Variants in PEX5L observed in about 807,000 individuals in gnomAD.
The protein encoded by PEX5L is peroxisomal biogenesis factor 5 like.
A neutral mutation model predicts 84.0 loss-of-function variants in PEX5L; 30 were observed. The observed-to-expected ratio is 0.36, with a 90% CI of 0.27 to 0.48. The LOEUF (loss-of-function observed/expected upper bound fraction) is 0.48, where lower values mean the gene tolerates loss of function less well. PEX5L is among the 20% of genes least tolerant of loss of function. PEX5L has a pLI of 0.99. For missense variants in PEX5L, 533 were observed against 754.6 expected, an observed-to-expected ratio of 0.71 and a Z score of 3.44; for synonymous variants, 270 against 283.1, an observed-to-expected ratio of 0.95 and a Z score of 0.46.
intron 2 of PEX5L, among the ~76,000 whole-genome samples, chr3:179,944,634 T>C (rs1256207977): frequency 1.3e-5 from 2 of 152,238 alleles, no homozygotes; most frequent in Non-Finnish European, 2.9e-5. Context: ...TTAAATGACC[T>C]TATCACATGT....
rs1360074665 is a variant in PEX5L at position 179,796,005 on chromosome 3, TGTA to T, written c.*5820_*5822del. On this transcript the variant is annotated 3_prime_UTR_variant, in exon 15 of 15. Coordinates refer to ENST00000467460, the MANE Select transcript of PEX5L (RefSeq NM_016559.3). Reference sequence around the variant, plus strand: ...CTGTATTTCCCTTAACTACTGGTAATGTAGTCCATCATGAACACATTTCTCACA... The same window carrying T: ...CTGTATTTCCCTTAACTACTGGTAATGTCCATCATGAACACATTTCTCACA... 1 of 152,160 alleles carries T rather than the reference TGTA, an allele frequency of 6.6e-6. No homozygotes were observed. Among genetic ancestry groups the T allele is most frequent in the Non-Finnish European group, 1.5e-5 (1 of 68,022 alleles). The allele number at this position is 152,160 out of a possible 1,614,324, so 9.4% of individuals were successfully genotyped here.
At chr3:179,956,773 G>C (rs757158795) in intron 2 of PEX5L, among the ~76,000 whole-genome samples, 35 of 152,096 alleles carry the variant, frequency 2.3e-4, no homozygotes, top group Non-Finnish European at 3.4e-4. Flanking sequence ...CAACATGCAC[G>C]GTGCCATCTC....
chr3:179,829,688 G>A (rs146407395), intron 8 of PEX5L, among the ~76,000 whole-genome samples: 2 of 151,996 alleles, frequency 1.3e-5, no homozygotes, highest in East Asian at 3.9e-4. Context: ...TTTGATGCAG[G>A]CAAACGTCAA....
intron 4 of PEX5L, among the ~76,000 whole-genome samples, chr3:179,883,453 G>C (rs1304355571): frequency 6.6e-6 from 1 of 152,148 alleles, no homozygotes; most frequent in Non-Finnish European, 1.5e-5. Flanking sequence ...CGTGAATATT[G>C]TGCATAAAAT....
intron 8 of PEX5L, among the ~76,000 whole-genome samples, chr3:179,853,231 C>A (rs1742601823): frequency 1.3e-5 from 2 of 152,154 alleles, no homozygotes; most frequent in Non-Finnish European, 2.9e-5. Flanking sequence ...TACTAGCACC[C>A]AGCACAGTGC....
chr3:180,011,725 T>G (rs1213983739), intron 1 of PEX5L, among the ~76,000 whole-genome samples: 1 of 152,226 alleles, frequency 6.6e-6, no homozygotes, highest in Non-Finnish European at 1.5e-5. Flanking sequence ...GAGGTTCCAT[T>G]AGACAGTGAG....
intron 2 of PEX5L, among the ~76,000 whole-genome samples, chr3:179,927,328 A>C (rs1486829626): frequency 6.6e-6 from 1 of 152,196 alleles, no homozygotes; most frequent in Non-Finnish European, 1.5e-5. Flanking sequence ...TCTGAAAGAT[A>C]GTTACGATTA....
intron 1 of PEX5L, among the ~76,000 whole-genome samples, chr3:179,971,991 G>A (rs1017286023): frequency 2.6e-5 from 4 of 152,038 alleles, no homozygotes; most frequent in African/African-American, 9.7e-5. Context: ...ATTCTTTGAA[G>A]AGCCTTAGCA....
At chr3:179,828,521 G>C (rs1033672537) in intron 8 of PEX5L, among the ~76,000 whole-genome samples, 3 of 152,134 alleles carry the variant, frequency 2.0e-5, no homozygotes, top group Non-Finnish European at 2.9e-5. Flanking sequence ...AGCCAACTGA[G>C]TTTGCAATTT....
At chr3:179,853,874 T>C (rs1742907041) in intron 8 of PEX5L, among the ~76,000 whole-genome samples, 1 of 151,166 alleles carries the variant, frequency 6.6e-6, no homozygotes, top group Non-Finnish European at 1.5e-5. Context: ...TGCAGTAGCA[T>C]GATCAGGGTT....
chr3:179,974,963 T>G (rs6787514), intron 1 of PEX5L, among the ~76,000 whole-genome samples: 38,990 of 152,044 alleles, frequency 0.26, 5,123 homozygotes, highest in African/African-American at 0.31. Context: ...TTGGGAGGCC[T>G]AGGCAGGAGG....
At chr3:179,944,009 CA>C (rs951289941) in intron 2 of PEX5L, among the ~76,000 whole-genome samples, 2 of 150,782 alleles carry the variant, frequency 1.3e-5, no homozygotes, top group Non-Finnish European at 2.9e-5. Context: ...CTCCCCCCCC[CA>C]AAAAACTGAA....
Position 179,946,623 on chromosome 3 carries a change from TG to T in PEX5L, c.93+24970del, listed in dbSNP as rs1312687213. Among the ~76,000 whole-genome samples the T allele has an allele frequency of 3.3e-5, 5 of 152,320 alleles. No homozygotes were observed. The East Asian group carries it at 5.8e-4, about 18-fold the overall frequency. The stretch of plus-strand genomic sequence containing the variant: ...AGTAGAGTCACTAACAGGGTTTCAA[TG>T]GCTACTCAAAAAGCAGAAGCTCTAG... On this transcript the variant is annotated intron_variant, in intron 2 of 14. Transcript: ENST00000467460.
chr3:179,856,734 G>C (rs959841656), intron 8 of PEX5L, among the ~76,000 whole-genome samples: 1 of 152,190 alleles, frequency 6.6e-6, no homozygotes, highest in Non-Finnish European at 1.5e-5. Context: ...CTTCTGGTGG[G>C]CACCATTTCC....
intron 2 of PEX5L, among the ~76,000 whole-genome samples, chr3:179,910,395 G>T (rs1417917784): frequency 6.6e-6 from 1 of 152,188 alleles, no homozygotes; most frequent in Non-Finnish European, 1.5e-5. Flanking sequence ...ATTTCTAAAT[G>T]TGAATGCTCC....
At chr3:179,933,448 T>TC (rs1464380591) in intron 2 of PEX5L, among the ~76,000 whole-genome samples, 1 of 151,860 alleles carries the variant, frequency 6.6e-6, no homozygotes, top group Non-Finnish European at 1.5e-5. Flanking sequence ...CAATTCTCTT[T>TC]TTTTTTTGAG....
chr3:179,973,097 T>C (rs1382540532), intron 1 of PEX5L: 2 of 971,820 alleles, frequency 2.1e-6, no homozygotes, highest in African/African-American at 3.4e-5. Context: ...AGATTTTGTC[T>C]AGAGTGTCTC....
intron 7 of PEX5L, among the ~76,000 whole-genome samples, chr3:179,859,750 T>C (rs1460589395): frequency 6.6e-6 from 1 of 152,200 alleles, no homozygotes; most frequent in Non-Finnish European, 1.5e-5. Context: ...ATGAATCACT[T>C]AGATAAAATC....
At chr3:180,021,279 A>G (rs938748972) in intron 1 of PEX5L, among the ~76,000 whole-genome samples, 1 of 152,202 alleles carries the variant, frequency 6.6e-6, no homozygotes, top group Non-Finnish European at 1.5e-5. Context: ...GTAAGGTTAG[A>G]GTTTGGAGTT....
Sources: allele counts gnomAD v4.1 joint callset (sites outside exome capture counted in the v4.1 genomes callset), GRCh38; gene constraint gnomAD v4.1.1; transcripts MANE v1.5; gene names NCBI Gene and HGNC (gene_info 2026-07-23, HGNC 2026-07-21).